The following NCOA1 variants were observed in gnomAD, a reference collection of about 807,000 sequenced individuals.
NCOA1 encodes Hin-2 protein.
Under a neutral mutation model 150.9 loss-of-function variants are expected in NCOA1, and 35 were observed. The ratio of observed to expected loss-of-function variants is 0.23; its 90% confidence interval spans 0.18 to 0.31. The LOEUF (loss-of-function observed/expected upper bound fraction) is 0.31. Ranked by LOEUF, NCOA1 falls within the 10% of genes least tolerant of loss-of-function variation. The probability of loss-of-function intolerance (pLI) is 1.00; values close to 1 mark genes in which losing one functional copy is unlikely to be tolerated. For missense variants in NCOA1, 1,491 were observed against 1,749.3 expected, an observed-to-expected ratio of 0.85 and a Z score of 2.63; for synonymous variants, 590 against 630.0, an observed-to-expected ratio of 0.94 and a Z score of 0.95.
intron 17 of NCOA1, among the ~76,000 whole-genome samples, chr2:24,737,797 A>G (rs1199800493): frequency 2.6e-5 from 4 of 152,188 alleles, no homozygotes; most frequent in African/African-American, 4.8e-5. Flanking sequence ...CTGCCACTCA[A>G]TAGGGAACGG....
chr2:24,600,187 G>A (rs934357033), intron 3 of NCOA1, among the ~76,000 whole-genome samples: 4 of 152,080 alleles, frequency 2.6e-5, no homozygotes, highest in African/African-American at 9.7e-5. Flanking sequence ...GAGCAGCATT[G>A]CGATTATGTT....
intron 3 of NCOA1, among the ~76,000 whole-genome samples, chr2:24,641,765 T>C (rs942045418): frequency 6.6e-6 from 1 of 152,166 alleles, no homozygotes; most frequent in Non-Finnish European, 1.5e-5. Context: ...CGTGCTACCT[T>C]GCCCAAGCTA....
chr2:24,707,853 A>G lies in NCOA1; in HGVS notation c.2383A>G (p.Thr795Ala), dbSNP rs369037680. 114 of 1,598,684 alleles carry G rather than the reference A, an allele frequency of 7.1e-5. No individual in the cohort carries two copies. The highest frequency in any genetic ancestry group is 9.6e-5 in the Non-Finnish European group (113 of 1,175,358). Residue 795 changes from threonine to alanine, a missense_variant, in exon 13 of 23, where the codon ACT becomes GCT. Transcript: ENST00000348332. ...NTNPTPMTKPTPEEIKLEAQS... is the reference protein window; with the variant it reads ...NTNPTPMTKPAPEEIKLEAQS... ...AAACCCAACCCCAATGACCAAACCC[A>G]CTCCTGAGGAAATAAAACTGGAGGC...
chr2:24,575,535 A>G (rs1666917798), intron 2 of NCOA1, among the ~76,000 whole-genome samples: 2 of 149,588 alleles, frequency 1.3e-5, no homozygotes, highest in African/African-American at 4.9e-5. Flanking sequence ...ACGTTACTGG[A>G]TGCTAGGTTT....
At chr2:24,582,983 A>G (rs1353109039) in intron 2 of NCOA1, among the ~76,000 whole-genome samples, 1 of 152,194 alleles carries the variant, frequency 6.6e-6, no homozygotes, top group East Asian at 1.9e-4. Flanking sequence ...AAAATCTGAA[A>G]TGCTTCAGGA....
intron 17 of NCOA1, among the ~76,000 whole-genome samples, chr2:24,733,864 C>G (rs1185518544): frequency 6.6e-6 from 1 of 151,800 alleles, no homozygotes; most frequent in Non-Finnish European, 1.5e-5. Flanking sequence ...AAATTAATGG[C>G]AATTCTTTTT....
intron 3 of NCOA1, among the ~76,000 whole-genome samples, chr2:24,585,093 C>A (rs1479857254): frequency 6.6e-6 from 1 of 152,144 alleles, no homozygotes; most frequent in Non-Finnish European, 1.5e-5. Context: ...ATTGTGTCAG[C>A]CTTTCCTCAT....
chr2:24,729,008 ATT>A (rs1274684808), intron 16 of NCOA1, among the ~76,000 whole-genome samples: 1 of 152,254 alleles, frequency 6.6e-6, no homozygotes, highest in Non-Finnish European at 1.5e-5. Context: ...CACGCGCGCA[ATT>A]AGGTCACAAT....
chr2:24,611,308 C>T (rs923029697), intron 3 of NCOA1, among the ~76,000 whole-genome samples: 7 of 152,146 alleles, frequency 4.6e-5, no homozygotes, highest in African/African-American at 4.8e-5. Flanking sequence ...CATAATATTT[C>T]GTGGTATACG....
chr2:24,699,991 A>C (rs1420346579), intron 11 of NCOA1, among the ~76,000 whole-genome samples: 1 of 152,066 alleles, frequency 6.6e-6, no homozygotes, highest in African/African-American at 2.4e-5. Context: ...CTAAAAATAC[A>C]AAATTAGCGC....
intron 3 of NCOA1, among the ~76,000 whole-genome samples, chr2:24,631,502 A>C (rs571506074): frequency 6.6e-6 from 1 of 152,220 alleles, no homozygotes; most frequent in Non-Finnish European, 1.5e-5. Flanking sequence ...GAGAGAATTT[A>C]CTGTCCTTTA....
At position 24,576,178 on chromosome 2, in the gene NCOA1, T is replaced by G. The variant is rs1263518303; in HGVS notation, c.-259-8298T>G. 3.7e-4 allele frequency among the ~76,000 whole-genome samples: 27 copies of G among 73,746 alleles called. 1 individual carries two copies. The highest frequency in any genetic ancestry group is 9.1e-4 in the African/African-American group (21 of 23,076). The allele number at this position is 73,746 out of a possible 152,430, so 48.4% of individuals were successfully genotyped here. A position where few individuals can be genotyped will look rare whatever the true frequency, so the allele number is the denominator to read the frequency against. On this transcript the variant is annotated intron_variant, in intron 2 of 22. Transcript: ENST00000348332. ...TTTTTTTTTTGTTTTTTGTTTTTTTTTTTTTTTTTTTTTGTTTGCTAGTCC... is the reference window on the plus strand; with the variant it reads ...TTTTTTTTTTGTTTTTTGTTTTTTTGTTTTTTTTTTTTTGTTTGCTAGTCC...
chr2:24,757,519 A>G (rs914666771), intron 20 of NCOA1, among the ~76,000 whole-genome samples: 3 of 152,188 alleles, frequency 2.0e-5, no homozygotes, highest in Non-Finnish European at 4.4e-5. Context: ...AGGCTCTACA[A>G]GCAAACACAA....
chr2:24,595,108 C>G (rs907770245), intron 3 of NCOA1, among the ~76,000 whole-genome samples: 2 of 152,096 alleles, frequency 1.3e-5, no homozygotes, highest in Middle Eastern at 3.4e-3. Flanking sequence ...CTCTGATTTA[C>G]CAGCACAGTT....
rs532675191 is a variant in NCOA1, at chr2:24,657,615, A to G, written c.-17-1046A>G. On this transcript the variant is annotated intron_variant, in intron 4 of 22. Coordinates refer to ENST00000348332, the MANE Select transcript of NCOA1 (RefSeq NM_003743.5). ...AGTCATTAATCTTCAGAAAAGGGCT[A>G]GAAGCAGAGTCAGTTTTAAGACTAG... is the stretch of plus-strand genomic sequence containing the variant. Among the ~76,000 whole-genome samples the G allele has an allele frequency of 1.7e-4, 26 of 152,358 alleles. 2 individuals are homozygous for G. In the South Asian group the frequency reaches 5.4e-3, roughly 32 times the overall value.
intron 13 of NCOA1, among the ~76,000 whole-genome samples, chr2:24,709,751 G>A (rs778300078): frequency 3.9e-5 from 6 of 152,016 alleles, no homozygotes; most frequent in African/African-American, 4.8e-5. Flanking sequence ...AGCTTTATTC[G>A]TATCAGCCAA....
intron 1 of NCOA1, among the ~76,000 whole-genome samples, chr2:24,515,805 A>G (rs577742338): frequency 6.6e-6 from 1 of 152,340 alleles, no homozygotes; most frequent in South Asian, 2.1e-4. Context: ...AACAAAAGCT[A>G]TTAATTTGGT....
chr2:24,546,187 G>A (rs1043162660), intron 1 of NCOA1, among the ~76,000 whole-genome samples: 9 of 151,218 alleles, frequency 6.0e-5, no homozygotes, highest in African/African-American at 2.2e-4. Flanking sequence ...CCTGGGCTAC[G>A]GAGCAAGATC....
chr2:24,525,490 T>C (rs1664614651), intron 1 of NCOA1, among the ~76,000 whole-genome samples: 1 of 152,116 alleles, frequency 6.6e-6, no homozygotes, highest in South Asian at 2.1e-4. Flanking sequence ...TTCTACTTGA[T>C]TATCTTTAGT....
Sources: allele counts gnomAD v4.1 joint callset (sites outside exome capture counted in the v4.1 genomes callset), GRCh38; gene constraint gnomAD v4.1.1; transcripts MANE v1.5; gene names NCBI Gene and HGNC (gene_info 2026-07-23, HGNC 2026-07-21).